The following BCL2A1 variants were observed in gnomAD, a reference collection of about 807,000 sequenced individuals.
BCL2A1 encodes bcl-2-related protein A1.
A neutral mutation model predicts 14.4 loss-of-function variants in BCL2A1; 10 were observed. The ratio of observed to expected loss-of-function variants is 0.69; its 90% CI spans 0.43 to 1.18. The LOEUF (loss-of-function observed/expected upper bound fraction) is 1.18, where lower values mean the gene tolerates loss of function less well. Among genes scored for constraint, BCL2A1 ranks in the 50% most tolerant of loss-of-function variants. BCL2A1 has a pLI of 0.00. For missense variants in BCL2A1, 158 were observed against 205.0 expected, an observed-to-expected ratio of 0.77 and a Z score of 1.40; for synonymous variants, 71 against 76.5, an observed-to-expected ratio of 0.93 and a Z score of 0.38.
intron 1 of BCL2A1, among the ~76,000 whole-genome samples, chr15:79,963,193 T>C (rs1486963983): frequency 6.6e-6 from 1 of 152,044 alleles, no homozygotes; most frequent in African/African-American, 2.4e-5. Flanking sequence ...TTTCACCATG[T>C]TGGCCAGGAT....
chr15:79,967,612 C>A, intron 1 of BCL2A1: 4 of 1,583,770 alleles, frequency 2.5e-6, no homozygotes, highest in Non-Finnish European at 3.5e-6. Context: ...CTTGATAAAG[C>A]TGTAAGTGCC....
At chr15:79,961,369 A>G (rs2035489446) in intron 1 of BCL2A1, among the ~76,000 whole-genome samples, 195 bp from the exon 2 acceptor site, 1 of 152,222 alleles carries the variant, frequency 6.6e-6, no homozygotes, top group Admixed American at 6.5e-5. Context: ...GCCATATTTT[A>G]CAAAGTAAAA....
intron 1 of BCL2A1, among the ~76,000 whole-genome samples, chr15:79,961,669 G>A (rs2035492100): frequency 6.6e-6 from 1 of 151,828 alleles, no homozygotes. Flanking sequence ...ATATTATACT[G>A]TAAACTGCAT....
chr15:79,964,633 G>T (rs1246092835), intron 1 of BCL2A1, among the ~76,000 whole-genome samples: 3 of 152,196 alleles, frequency 2.0e-5, no homozygotes, highest in Non-Finnish European at 4.4e-5. Flanking sequence ...AAGCATACAG[G>T]ATCCCTGCCC....
At chr15:79,969,072 C>T (rs532348577) in intron 1 of BCL2A1, among the ~76,000 whole-genome samples, 13 of 151,820 alleles carry the variant, frequency 8.6e-5, no homozygotes, top group Non-Finnish European at 1.8e-4. Flanking sequence ...TACAAATGAT[C>T]AGTTAATATA....
chr15:79,963,582 C>T (rs1363265795), intron 1 of BCL2A1, among the ~76,000 whole-genome samples: 1 of 152,130 alleles, frequency 6.6e-6, no homozygotes, highest in East Asian at 1.9e-4. Context: ...TAGTACCACC[C>T]ACATCATTAA....
chr15:79,962,124 C>A (rs1596124697), intron 1 of BCL2A1, among the ~76,000 whole-genome samples: 1 of 152,312 alleles, frequency 6.6e-6, no homozygotes, highest in Non-Finnish European at 1.5e-5. Flanking sequence ...TTACAGGTTT[C>A]AGAACCTTGG....
chr15:79,962,637 T>C (rs1033482765), intron 1 of BCL2A1, among the ~76,000 whole-genome samples: 8 of 151,886 alleles, frequency 5.3e-5, no homozygotes, highest in Non-Finnish European at 8.8e-5. Context: ...AGCCTCTGCC[T>C]CCCGGGTTCA....
intron 1 of BCL2A1, among the ~76,000 whole-genome samples, chr15:79,968,189 G>C (rs2035561699): frequency 6.6e-6 from 1 of 152,182 alleles, no homozygotes; most frequent in Admixed American, 6.5e-5. Flanking sequence ...CACTGTCTGT[G>C]TGCTCCAAGT....
intron 1 of BCL2A1, among the ~76,000 whole-genome samples, chr15:79,968,644 A>C (rs1291911202): frequency 1.3e-5 from 2 of 152,358 alleles, no homozygotes; most frequent in East Asian, 3.9e-4. Context: ...CACATACATA[A>C]AAATAATTTG....
At chr15:79,962,134 G>A (rs1449876860) in intron 1 of BCL2A1, among the ~76,000 whole-genome samples, 1 of 152,098 alleles carries the variant, frequency 6.6e-6, no homozygotes. Context: ...CAGAACCTTG[G>A]GGTTACAAAT....
intron 1 of BCL2A1, among the ~76,000 whole-genome samples, chr15:79,964,585 A>G (rs2035520757): frequency 6.6e-6 from 1 of 152,166 alleles, no homozygotes; most frequent in African/African-American, 2.4e-5. Flanking sequence ...GCCACATGCC[A>G]GGTACCATTT....
intron 1 of BCL2A1, chr15:79,967,777 G>A (rs2035556424): frequency 3.3e-6 from 3 of 916,190 alleles, no homozygotes; most frequent in Non-Finnish European, 5.2e-6. Flanking sequence ...AGTTTTCCAT[G>A]CCAGTTTGCA....
chr15:79,962,980 A>T (rs1373391464), intron 1 of BCL2A1, among the ~76,000 whole-genome samples: 1 of 151,658 alleles, frequency 6.6e-6, no homozygotes, highest in Non-Finnish European at 1.5e-5. Context: ...AGAGATTAAA[A>T]TTTATTATTA....
intron 1 of BCL2A1, chr15:79,967,626 T>A (rs758783943): frequency 6.3e-7 from 1 of 1,596,864 alleles, no homozygotes; most frequent in Non-Finnish European, 8.6e-7. Flanking sequence ...AAGTGCCTTC[T>A]CTACTCTTAC....
In BCL2A1 at chr15:79,971,044, G is replaced by T; in HGVS notation, c.76C>A (p.Pro26Thr). 1 of 1,614,198 alleles carries T rather than the reference G, an allele frequency of 6.2e-7. No homozygotes were observed. The highest frequency in any genetic ancestry group is 1.1e-5 in the South Asian group (1 of 91,088). The change falls in exon 1 of 2, where the codon CCT (proline) becomes ACT (threonine). Residue 26 changes from proline (P) to threonine (T), a missense_variant. Coordinates refer to ENST00000267953, the MANE Select transcript of BCL2A1 (RefSeq NM_004049.4). The part of the protein sequence containing the change: ...YLQCVLQIPQ[P>T]GSGPSKTSRV... ...GACGTTTTGCTTGGACCTGATCCAG[G>T]TTGTGGTATCTGTAGGACGCACTGC...
intron 1 of BCL2A1, among the ~76,000 whole-genome samples, chr15:79,968,898 C>T (rs1415762750): frequency 6.6e-6 from 1 of 152,098 alleles, no homozygotes; most frequent in Non-Finnish European, 1.5e-5. Context: ...CCACTGCACT[C>T]CAGCCTGGGC....
chr15:79,967,925 T>TTC (rs1285680818), intron 1 of BCL2A1, among the ~76,000 whole-genome samples: 1 of 152,044 alleles, frequency 6.6e-6, no homozygotes, highest in Admixed American at 6.6e-5. Flanking sequence ...TTCAGGTGTT[T>TTC]TTTTTAAAAA....
Position 79,963,058 on chromosome 15 carries a change from C to T in BCL2A1, c.421-1884G>A, listed in dbSNP as rs148094546. 2.9e-4 allele frequency among the ~76,000 whole-genome samples: 44 copies of T among 152,044 alleles called. 1 individual carries two copies. The East Asian group carries it at 8.1e-3, about 28-fold the overall frequency. On this transcript the variant is annotated intron_variant, in intron 1 of 1. Coordinates refer to ENST00000267953, the MANE Select transcript of BCL2A1 (RefSeq NM_004049.4). Reference sequence around the variant, plus strand: ...GTGCAATGGCGCGATCTCAGCTGGCCGCAACCTCTGCCTCCTGTGTTCAAG... The same window carrying T: ...GTGCAATGGCGCGATCTCAGCTGGCTGCAACCTCTGCCTCCTGTGTTCAAG...
Sources: gnomAD v4.1 joint callset for allele counts (sites outside exome capture counted in the v4.1 genomes callset) on GRCh38, gnomAD v4.1.1 for gene constraint, MANE v1.5 for transcripts, NCBI Gene and HGNC (gene_info 2026-07-23, HGNC 2026-07-21) for gene names.